Variants in ZNF514 observed in about 807,000 individuals in gnomAD.
ZNF514 encodes zinc finger protein 514.
In ZNF514, 12 loss-of-function variants were observed where a neutral mutation model predicts 9.7. That is an observed-to-expected ratio of 1.24 (90% CI 0.79 to 2.01). The LOEUF is 2.01. Among genes scored for constraint, ZNF514 ranks in the 30% most tolerant of loss-of-function variants. The probability of loss-of-function intolerance (pLI) is 0.00; values close to 1 mark genes in which losing one functional copy is unlikely to be tolerated. For missense variants in ZNF514, 467 were observed against 465.5 expected (o/e 1.00, Z -0.03); for synonymous variants, 158 against 163.7 (o/e 0.97, Z 0.27).
the ZNF514 span, among the ~76,000 whole-genome samples, chr2:95,124,984 C>T: frequency 9.2e-5 from 14 of 151,762 alleles, no homozygotes; most frequent in African/African-American, 2.9e-4. Flanking sequence ...CAGGTTCAAG[C>T]GATTCTCCTG....
At chr2:95,150,329 G>A (rs1673504050) in intron 4 of ZNF514, 62 bp from the exon 5 acceptor site, 2 of 1,460,320 alleles carry the variant, frequency 1.4e-6, no homozygotes, top group Non-Finnish European at 1.8e-6. Context: ...TATGTAGCAA[G>A]AAAAGCAAGC....
At position 95,158,289 on chromosome 2, in the gene ZNF514, AAG is replaced by A. The variant is rs554916787; in HGVS notation, c.-95-852_-95-851del. Among the ~76,000 whole-genome samples, 157 of 152,250 alleles carry A rather than the reference AAG, an allele frequency of 1.0e-3. 3 individuals are homozygous for A. The highest frequency in any genetic ancestry group is 3.2e-3 in the African/African-American group (135 of 41,552). Reference sequence around the variant, plus strand: ...TGATTAACAAGGGTATAAAGGAAAAAAGAGGGGGTGGGAAGCCCACGGACTGG... The same window carrying A: ...TGATTAACAAGGGTATAAAGGAAAAAAGGGGGTGGGAAGCCCACGGACTGG... On this transcript the variant is annotated intron_variant, in intron 1 of 4. Transcript: ENST00000295208.
At position 95,149,290 on chromosome 2, in the gene ZNF514, T is replaced by G. The variant is rs757646019; in HGVS notation, c.1195A>C (p.Thr399Pro). Reference protein sequence around the residue: ...KHQRSHAGKKTL With the variant: ...KHQRSHAGKKPL ...TTCTATATTCACTGAATTTATAGGGTTTTTTTTCCAGCATGACTTCTCTGA... is the reference window on the plus strand; with the variant it reads ...TTCTATATTCACTGAATTTATAGGGGTTTTTTTCCAGCATGACTTCTCTGA... Residue 399 changes from threonine to proline, a missense_variant, in exon 5 of 5, where the codon ACC (threonine) becomes CCC (proline). By Grantham distance (38) the Thr-to-Pro change is conservative. Transcript: ENST00000295208. 1 of 1,568,598 alleles carries G rather than the reference T, an allele frequency of 6.4e-7. No homozygotes were observed. Among genetic ancestry groups the G allele is most frequent in the East Asian group, 2.3e-5 (1 of 44,430 alleles).
chr2:95,148,912 A>G lies in ZNF514; in HGVS notation c.*370T>C. On this transcript the variant is annotated 3_prime_UTR_variant, in exon 5 of 5. Transcript: ENST00000295208. Reference sequence around the variant, plus strand: ...CACTTGTAGGATTTCTCTCCAGTACAAGTTATCTGATTTTCTTAAAGAATC... The same window carrying G: ...CACTTGTAGGATTTCTCTCCAGTACGAGTTATCTGATTTTCTTAAAGAATC... The G allele has an allele frequency of 5.2e-6, 1 of 192,272 alleles. No individual in the cohort carries two copies. The highest frequency in any genetic ancestry group is 1.3e-4 in the East Asian group (1 of 7,456). 11.9% of individuals were successfully genotyped at this position (192,272 alleles called of 1,614,324 possible).
the ZNF514 span, among the ~76,000 whole-genome samples, chr2:95,138,179 C>T: frequency 1.4e-4 from 22 of 152,198 alleles, no homozygotes; most frequent in African/African-American, 4.1e-4. Context: ...AATGCAAGAA[C>T]GGCCTAATAT....
chr2:95,158,279 T>C (rs1273761650), intron 1 of ZNF514, among the ~76,000 whole-genome samples: 2 of 151,990 alleles, frequency 1.3e-5, no homozygotes, highest in Admixed American at 6.5e-5. Context: ...AACAAGGGTA[T>C]AAAGGAAAAA....
the ZNF514 span, among the ~76,000 whole-genome samples, chr2:95,127,666 G>A: frequency 2.6e-5 from 4 of 152,144 alleles, no homozygotes; most frequent in South Asian, 2.1e-4. Flanking sequence ...TGCCCAGGCT[G>A]TAGTGCAGTG....
intron 1 of ZNF514, 140 bp downstream of exon 1, chr2:95,159,100 G>A (rs1558704749): frequency 1.9e-6 from 2 of 1,075,958 alleles, no homozygotes; most frequent in African/African-American, 1.7e-5. Flanking sequence ...CTGCCTGGGG[G>A]ACACGGGGCA....
intron 2 of ZNF514, among the ~76,000 whole-genome samples, chr2:95,156,845 G>T (rs758846759): frequency 6.6e-6 from 1 of 151,968 alleles, no homozygotes. Flanking sequence ...ATCTGAACAG[G>T]GACCCAGCTT....
chr2:95,136,718 A>C, the ZNF514 span, among the ~76,000 whole-genome samples: 3 of 152,120 alleles, frequency 2.0e-5, no homozygotes, highest in Admixed American at 6.5e-5. Flanking sequence ...TCCTGTGACA[A>C]CCATGGCCTA....
At position 95,149,229 on chromosome 2, in the gene ZNF514, A is replaced by G. The variant is rs762370285; in HGVS notation, c.*53T>C. 1.3e-6 allele frequency: 2 copies of G among 1,515,878 alleles called. No individual in the cohort carries two copies. The highest frequency in any genetic ancestry group is 1.8e-6 in the Non-Finnish European group (2 of 1,134,868). 93.9% of individuals were successfully genotyped at this position (1,515,878 alleles called of 1,614,324 possible). On this transcript the variant is annotated 3_prime_UTR_variant, in exon 5 of 5. Coordinates refer to ENST00000295208, the MANE Select transcript of ZNF514 (RefSeq NM_032788.3). ...GATCTCTCTCTGATATGAATTCTTT[A>G]AGTTCCAGTGATGTCTGCACTCCAG...
At chr2:95,144,111 G>C (rs1311799510), downstream of ZNF514, among the ~76,000 whole-genome samples, 1 of 152,192 alleles carries the variant, frequency 6.6e-6, no homozygotes, top group East Asian at 1.9e-4. Flanking sequence ...ATAGCACTCT[G>C]CTTGGAGTCT....
chr2:95,127,864 C>G, the ZNF514 span, among the ~76,000 whole-genome samples: 1 of 152,150 alleles, frequency 6.6e-6, no homozygotes, highest in Non-Finnish European at 1.5e-5. Context: ...CTGCCTCGGC[C>G]TCCCAAAGTG....
At chr2:95,140,832 G>A (rs759587057), downstream of ZNF514, among the ~76,000 whole-genome samples, 5 of 151,668 alleles carry the variant, frequency 3.3e-5, no homozygotes, top group Admixed American at 6.6e-5. Flanking sequence ...AAAATTAGCC[G>A]GGCATGGTGT....
At chr2:95,156,367 G>A (rs1235363557) in intron 2 of ZNF514, among the ~76,000 whole-genome samples, 1 of 152,180 alleles carries the variant, frequency 6.6e-6, no homozygotes, top group East Asian at 1.9e-4. Flanking sequence ...CCATCTGCCA[G>A]CGGAACTGCC....
chr2:95,148,159 G>A lies in ZNF514; in HGVS notation c.*1123C>T, dbSNP rs994600931. On this transcript the variant is annotated 3_prime_UTR_variant, in exon 5 of 5. Transcript: ENST00000295208. ...CTCCATACTACAGCTGTGAACCACA[G>A]GAAAGAGGCCCAGCCCAGTTAGGAC... is the stretch of plus-strand genomic sequence containing the variant. 2 of 152,190 alleles carry A rather than the reference G, an allele frequency of 1.3e-5. No homozygotes were observed. Among genetic ancestry groups the A allele is most frequent in the Non-Finnish European group, 2.9e-5 (2 of 68,064 alleles). The allele number at this position is 152,190 out of a possible 1,614,324, so 9.4% of individuals were successfully genotyped here.
intron 2 of ZNF514, chr2:95,154,973 A>T (rs1231761080): frequency 6.6e-6 from 1 of 152,262 alleles, no homozygotes; most frequent in Non-Finnish European, 1.5e-5. Flanking sequence ...GAGTGAAAAA[A>T]GTATAGATTT....
At chr2:95,128,192 A>G in the ZNF514 span, among the ~76,000 whole-genome samples, 1 of 152,030 alleles carries the variant, frequency 6.6e-6, no homozygotes, top group African/African-American at 2.4e-5. Flanking sequence ...CAGCAGTTCA[A>G]GACCAGCCTG....
chr2:95,140,422 C>G (rs3105102), downstream of ZNF514, among the ~76,000 whole-genome samples: 119,236 of 151,784 alleles, frequency 0.79, 47,111 homozygotes, highest in African/African-American at 0.84. Context: ...GAGTTTGAGA[C>G]CAGCCTGGCC....
Sources: gnomAD v4.1 joint callset for allele counts (sites outside exome capture counted in the v4.1 genomes callset) on GRCh38, gnomAD v4.1.1 for gene constraint, MANE v1.5 for transcripts, NCBI Gene and HGNC (gene_info 2026-07-23, HGNC 2026-07-21) for gene names.